Variants in IRAK1BP1 observed in about 807,000 individuals in gnomAD.
IRAK1BP1 encodes the protein interleukin-1 receptor-associated kinase 1-binding protein 1.
In IRAK1BP1, 24 loss-of-function variants were observed where a neutral mutation model predicts 28.0. The observed-to-expected ratio is 0.86, with a 90% CI of 0.62 to 1.20. The LOEUF (loss-of-function observed/expected upper bound fraction) is 1.20. Among genes scored for constraint, IRAK1BP1 ranks in the 50% most tolerant of loss-of-function variants. The pLI, the probability that IRAK1BP1 is intolerant of heterozygous loss-of-function variation, is 0.00. For synonymous variants in IRAK1BP1, 131 were observed against 116.3 expected, an observed-to-expected ratio of 1.13 and a Z score of -0.81; for missense variants, 336 against 316.7, an observed-to-expected ratio of 1.06 and a Z score of -0.46.
intron 4 of IRAK1BP1, among the ~76,000 whole-genome samples, chr6:78,910,501 G>C (rs1232740416): frequency 1.3e-5 from 2 of 152,250 alleles, no homozygotes; most frequent in Non-Finnish European, 2.9e-5. Flanking sequence ...ATTTCCCATA[G>C]AAACAATAGT....
chr6:78,869,662 A>T (rs1194494096), intron 1 of IRAK1BP1, among the ~76,000 whole-genome samples: 1 of 152,228 alleles, frequency 6.6e-6, no homozygotes, highest in Non-Finnish European at 1.5e-5. Flanking sequence ...TGTTCAGGAG[A>T]TAATACAAAA....
chr6:78,877,721 C>A (rs890682432), intron 1 of IRAK1BP1, among the ~76,000 whole-genome samples: 1 of 152,134 alleles, frequency 6.6e-6, no homozygotes, highest in East Asian at 1.9e-4. Context: ...TGCAAGGGGT[C>A]GGGGAATTCC....
the IRAK1BP1 span, chr6:78,969,927 A>C: frequency 3.2e-6 from 5 of 1,581,458 alleles, no homozygotes; most frequent in Non-Finnish European, 4.3e-6. Flanking sequence ...TCTAATTACA[A>C]ACAGAAACAA....
At chr6:78,894,866 T>C (rs926350310) in intron 2 of IRAK1BP1, among the ~76,000 whole-genome samples, 2 of 152,064 alleles carry the variant, frequency 1.3e-5, no homozygotes, top group Non-Finnish European at 1.5e-5. Context: ...CCCAGCACTT[T>C]AGGAAGCTGA....
chr6:78,947,412 AGTAACCATTCCC>A (rs1405447599), downstream of IRAK1BP1, among the ~76,000 whole-genome samples: 1 of 152,228 alleles, frequency 6.6e-6, no homozygotes, highest in East Asian at 1.9e-4. Flanking sequence ...CTTCAAGAAA[AGTAACCATTCCC>A]AGACATCAAA....
chr6:78,934,297 G>A (rs1211157665), intron 4 of IRAK1BP1, among the ~76,000 whole-genome samples: 5 of 152,160 alleles, frequency 3.3e-5, no homozygotes, highest in East Asian at 1.9e-4. Context: ...TGGAAATATC[G>A]CAATTACCAA....
At chr6:78,921,369 G>T (rs1017273457) in intron 4 of IRAK1BP1, among the ~76,000 whole-genome samples, 1 of 152,232 alleles carries the variant, frequency 6.6e-6, no homozygotes, top group African/African-American at 2.4e-5. Flanking sequence ...CCGCGGCAAG[G>T]CTGGGGGAGG....
chr6:78,975,937 T>C, the IRAK1BP1 span, among the ~76,000 whole-genome samples: 3 of 151,044 alleles, frequency 2.0e-5, no homozygotes, highest in East Asian at 2.0e-4. Context: ...ATTGTGAAAA[T>C]GGCCATACTG....
intron 2 of IRAK1BP1, among the ~76,000 whole-genome samples, chr6:78,893,550 T>C (rs1771761154): frequency 1.3e-5 from 2 of 151,644 alleles, no homozygotes; most frequent in South Asian, 4.2e-4. Context: ...GTACTGAAAA[T>C]GGTAACTACG....
rs58937738 is a variant in IRAK1BP1, at chr6:78,898,411, AAT to A, written c.*110_*111del. The A allele has an allele frequency of 0.025, 2,202 of 86,462 alleles. 76 individuals carry two copies. Among genetic ancestry groups the A allele is most frequent in the African/African-American group, 0.058 (897 of 15,448 alleles). 5.4% of individuals were successfully genotyped at this position (86,462 alleles called of 1,614,324 possible). Reference sequence around the variant, plus strand: ...TTTTATAATGTTTACGTTTGTCCTGAATATATATATATATATATATATATATA... The same window carrying A: ...TTTTATAATGTTTACGTTTGTCCTGAATATATATATATATATATATATATA... On this transcript the variant is annotated 3_prime_UTR_variant, in exon 4 of 4. Coordinates refer to ENST00000369940, the MANE Select transcript of IRAK1BP1 (RefSeq NM_001010844.4).
At chr6:78,893,590 A>G (rs1227427159) in intron 2 of IRAK1BP1, among the ~76,000 whole-genome samples, 1 of 152,066 alleles carries the variant, frequency 6.6e-6, no homozygotes, top group Non-Finnish European at 1.5e-5. Flanking sequence ...ATCTCTTTAG[A>G]AATCTCTATA....
intron 4 of IRAK1BP1, among the ~76,000 whole-genome samples, chr6:78,915,768 C>A (rs1452702716): frequency 2.0e-5 from 3 of 152,202 alleles, no homozygotes; most frequent in African/African-American, 7.2e-5. Context: ...TCCCTTCCCA[C>A]TTTCTTTTGT....
At chr6:78,882,557 C>G (rs1771266285) in intron 1 of IRAK1BP1, among the ~76,000 whole-genome samples, 1 of 152,090 alleles carries the variant, frequency 6.6e-6, no homozygotes, top group Admixed American at 6.6e-5. Context: ...GTATTCTTTC[C>G]TAAAATTTAT....
At chr6:78,922,002 T>TA (rs1213000619) in intron 4 of IRAK1BP1, among the ~76,000 whole-genome samples, 1 of 152,170 alleles carries the variant, frequency 6.6e-6, no homozygotes, top group African/African-American at 2.4e-5. Flanking sequence ...CCGAAAATTC[T>TA]AAAAATCAGA....
chr6:78,898,318 GA>G lies in IRAK1BP1; in HGVS notation c.773del (p.Lys258SerfsTer43). On this transcript the variant is annotated frameshift_variant, in exon 4 of 4. Transcript: ENST00000369940. LOFTEE classifies it high-confidence loss of function. The stretch of plus-strand genomic sequence containing the variant: ...TTTGAGGTAAAGGGAAAAGAGAAGA[GA>G]AAAAAGCACCTTTGAAATTCCAAAC... ...ITFEVKGKEK[R>X]KKHL 3.2e-6 allele frequency: 5 copies of G among 1,548,280 alleles called. No individual in the cohort carries two copies. The East Asian group carries it at 1.1e-4, about 35-fold the overall frequency.
At chr6:78,890,041 C>T (rs1771581424) in intron 2 of IRAK1BP1, among the ~76,000 whole-genome samples, 1 of 152,062 alleles carries the variant, frequency 6.6e-6, no homozygotes, top group Non-Finnish European at 1.5e-5. Context: ...CAATGATAAA[C>T]TGGATTAAGA....
intron 1 of IRAK1BP1, among the ~76,000 whole-genome samples, chr6:78,884,955 C>T (rs1329305333): frequency 6.6e-6 from 1 of 152,030 alleles, no homozygotes; most frequent in Non-Finnish European, 1.5e-5. Flanking sequence ...AATTTTAGTA[C>T]TGTCATCACC....
chr6:78,934,809 A>G (rs908978419), intron 4 of IRAK1BP1, among the ~76,000 whole-genome samples: 23 of 152,238 alleles, frequency 1.5e-4, no homozygotes, highest in African/African-American at 5.3e-4. Flanking sequence ...ACTTCCTGTC[A>G]GGAATGAAGG....
At chr6:78,931,460 G>A (rs960446168) in intron 4 of IRAK1BP1, among the ~76,000 whole-genome samples, 1 of 152,062 alleles carries the variant, frequency 6.6e-6, no homozygotes, top group South Asian at 2.1e-4. Flanking sequence ...TTATCTTGGA[G>A]ATTTCTCATA....
Sources: gnomAD v4.1 joint callset for allele counts (sites outside exome capture counted in the v4.1 genomes callset) on GRCh38, gnomAD v4.1.1 for gene constraint, MANE v1.5 for transcripts, NCBI Gene and HGNC (gene_info 2026-07-23, HGNC 2026-07-21) for gene names.